PCSK2: variants seen among roughly 807,000 people sequenced by gnomAD.
PCSK2 encodes the protein proprotein convertase subtilisin/kexin type 2, also known as neuroendocrine convertase 2.
Under a neutral mutation model 69.7 loss-of-function variants are expected in PCSK2, and 14 were observed. The observed-to-expected ratio is 0.20, with a 90% CI of 0.13 to 0.31. PCSK2 has a LOEUF of 0.31. Among genes scored for constraint, PCSK2 ranks in the 10% least tolerant of loss-of-function variants. The probability of loss-of-function intolerance (pLI) is 1.00; values close to 1 mark genes in which losing one functional copy is unlikely to be tolerated. For missense variants in PCSK2, 544 were observed against 842.5 expected, an observed-to-expected ratio of 0.65 and a Z score of 4.39; for synonymous variants, 307 against 320.7, an observed-to-expected ratio of 0.96 and a Z score of 0.46.
chr20:17,412,906 C>A (rs2031910815), intron 6 of PCSK2, among the ~76,000 whole-genome samples: 2 of 152,174 alleles, frequency 1.3e-5, no homozygotes, highest in Non-Finnish European at 2.9e-5. Flanking sequence ...AATTTTCAAC[C>A]CAGAATTTCA....
chr20:17,409,117 C>A lies in PCSK2; in HGVS notation c.544-146C>A. 13 of 645,562 alleles carry A rather than the reference C, an allele frequency of 2.0e-5. No homozygotes were observed. In the South Asian group the frequency reaches 2.5e-4, roughly 12 times the overall value. 40.0% of individuals were successfully genotyped at this position (645,562 alleles called of 1,614,324 possible). A position where few individuals can be genotyped will look rare whatever the true frequency, so the allele number is the denominator to read the frequency against. On this transcript the variant is annotated intron_variant, in intron 5 of 11. Coordinates refer to ENST00000262545, the MANE Select transcript of PCSK2 (RefSeq NM_002594.5). ...AAAACCCCAAAGACATGCTTTGGCT[C>A]CAACACAATTTTGTGAGGTTTGGTC...
chr20:17,351,560 T>C (rs908030432), intron 2 of PCSK2, among the ~76,000 whole-genome samples: 9 of 152,208 alleles, frequency 5.9e-5, no homozygotes, highest in Admixed American at 2.6e-4. Flanking sequence ...AATCAATATA[T>C]GTGATCATCA....
intron 6 of PCSK2, among the ~76,000 whole-genome samples, chr20:17,411,289 G>A (rs1009680545): frequency 6.6e-6 from 1 of 152,212 alleles, no homozygotes; most frequent in Non-Finnish European, 1.5e-5. Flanking sequence ...AGGAAGCCGT[G>A]ACAGACTGTA....
Position 17,359,741 on chromosome 20 carries a change from T to C in PCSK2, c.397-791T>C, listed in dbSNP as rs560011750. Among the ~76,000 whole-genome samples the C allele has an allele frequency of 6.4e-4, 97 of 152,348 alleles. 1 individual carries two copies. The highest frequency in any genetic ancestry group is 2.3e-3 in the African/African-American group (95 of 41,592). The stretch of plus-strand genomic sequence containing the variant: ...TGACAATCATACAATGTTTTAGCAA[T>C]ATCATAACAGCCACTGATCACTGTG... On this transcript the variant is annotated intron_variant, in intron 3 of 11. Coordinates refer to ENST00000262545, the MANE Select transcript of PCSK2 (RefSeq NM_002594.5).
chr20:17,399,131 T>C (rs1298083047), intron 5 of PCSK2, among the ~76,000 whole-genome samples: 3 of 152,208 alleles, frequency 2.0e-5, no homozygotes, highest in South Asian at 2.1e-4. Context: ...AGGATTACAG[T>C]CCTATTATCA....
At chr20:17,352,883 A>C (rs2030041628) in intron 2 of PCSK2, among the ~76,000 whole-genome samples, 1 of 152,224 alleles carries the variant, frequency 6.6e-6, no homozygotes, top group Non-Finnish European at 1.5e-5. Flanking sequence ...AGCAAAAGAA[A>C]CTATCAACAG....
At chr20:17,335,181 G>A (rs12480655) in intron 2 of PCSK2, among the ~76,000 whole-genome samples, 92,386 of 151,908 alleles carry the variant, frequency 0.61, 29,249 homozygotes, top group East Asian at 0.97. Context: ...GCAGTCAGAC[G>A]GCAGCGGAGA....
At chr20:17,284,485 C>T (rs1988444002) in intron 2 of PCSK2, among the ~76,000 whole-genome samples, 1 of 152,222 alleles carries the variant, frequency 6.6e-6, no homozygotes, top group Admixed American at 6.5e-5. Flanking sequence ...CAGACATGCA[C>T]AAGCTATTGT....
intron 2 of PCSK2, among the ~76,000 whole-genome samples, chr20:17,318,510 T>C (rs781450680): frequency 6.6e-6 from 1 of 152,206 alleles, no homozygotes; most frequent in African/African-American, 2.4e-5. Flanking sequence ...CATTCTGCAT[T>C]GTATATGAGT....
chr20:17,249,215 T>C (rs1211197713), intron 1 of PCSK2, among the ~76,000 whole-genome samples: 2 of 152,196 alleles, frequency 1.3e-5, no homozygotes, highest in Non-Finnish European at 2.9e-5. Context: ...ACTTTAAAAA[T>C]GTTGCATTAA....
chr20:17,396,247 A>T (rs1180161125), intron 5 of PCSK2, among the ~76,000 whole-genome samples: 1 of 152,164 alleles, frequency 6.6e-6, no homozygotes, highest in Non-Finnish European at 1.5e-5. Flanking sequence ...CTGTACACCC[A>T]GTCTTTGTGG....
chr20:17,444,307 T>C (rs1353234254), intron 8 of PCSK2, among the ~76,000 whole-genome samples: 1 of 152,160 alleles, frequency 6.6e-6, no homozygotes, highest in Non-Finnish European at 1.5e-5. Context: ...TATCGGGGCA[T>C]GCACTGTTTG....
intron 6 of PCSK2, among the ~76,000 whole-genome samples, chr20:17,428,801 C>A (rs543673508): frequency 6.6e-6 from 1 of 151,684 alleles, no homozygotes; most frequent in East Asian, 1.9e-4. Flanking sequence ...GAGTTTGAGA[C>A]CAGCCTGGGC....
chr20:17,449,684 C>T (rs567439614), intron 8 of PCSK2, among the ~76,000 whole-genome samples: 9 of 151,862 alleles, frequency 5.9e-5, no homozygotes, highest in Admixed American at 1.3e-4. Flanking sequence ...TGCACCACCA[C>T]GCTCAGCTAA....
chr20:17,292,077 G>T (rs943219041), intron 2 of PCSK2, among the ~76,000 whole-genome samples: 3 of 152,296 alleles, frequency 2.0e-5, no homozygotes, highest in South Asian at 2.1e-4. Context: ...TAATATAAGG[G>T]TTCTATTAGG....
chr20:17,380,028 T>A lies in PCSK2; in HGVS notation c.543+10751T>A, dbSNP rs558721318. Among the ~76,000 whole-genome samples, 455 of 152,228 alleles carry A rather than the reference T, an allele frequency of 3.0e-3. 3 individuals are homozygous for A. The highest frequency in any genetic ancestry group is 0.011 in the African/African-American group (439 of 41,522). ...CCTCACTCCTACAACCACAAACAAC[T>A]GAATGAACTTGAAAGAGGACCCCAA... On this transcript the variant is annotated intron_variant, in intron 5 of 11. Transcript: ENST00000262545.
At chr20:17,285,453 A>C (rs140766759) in intron 2 of PCSK2, among the ~76,000 whole-genome samples, 199 of 152,336 alleles carry the variant, frequency 1.3e-3, no homozygotes, top group Middle Eastern at 6.8e-3. Context: ...GTCATAGTTT[A>C]GGTTTGGTGA....
In PCSK2 at chr20:17,227,445, G is replaced by T. The variant is rs1398461851; in HGVS notation, c.140G>T (p.Arg47Leu). 1 of 1,613,942 alleles carries T rather than the reference G, an allele frequency of 6.2e-7. No homozygotes were observed. Among genetic ancestry groups the T allele is most frequent in the Non-Finnish European group, 8.5e-7 (1 of 1,179,954 alleles). ...CATAAAGGGGGAGAGGACAAAGCTC[G>T]CCAAGTTGCAGCAGAACACGGCTTT... ...ELHKGGEDKA[R>L]QVAAEHGFGV... The change falls in exon 1 of 12, where the codon CGC becomes CTC. Residue 47 changes from arginine (R) to leucine (L), a missense_variant. Physicochemically the swap from Arg to Leu is moderately radical, Grantham distance 102 (BLOSUM62 -2). Transcript: ENST00000262545.
chr20:17,454,091 C>T (rs1423040866), intron 9 of PCSK2, 134 bp downstream of exon 9: 1 of 1,261,824 alleles, frequency 7.9e-7, no homozygotes, highest in African/African-American at 1.5e-5. Context: ...GAAGGGAAGA[C>T]CCCTTTTCTC....
Sources: allele counts gnomAD v4.1 joint callset (sites outside exome capture counted in the v4.1 genomes callset), GRCh38; gene constraint gnomAD v4.1.1; transcripts MANE v1.5; gene names NCBI Gene and HGNC (gene_info 2026-07-23, HGNC 2026-07-21).